Variants in GNPDA1 observed in about 807,000 individuals in gnomAD.
GNPDA1 encodes the protein GNPDA 1.
A neutral mutation model predicts 28.5 loss-of-function variants in GNPDA1; 24 were observed. The ratio of observed to expected loss-of-function variants is 0.84; its 90% confidence interval spans 0.61 to 1.19. The LOEUF (loss-of-function observed/expected upper bound fraction) is 1.19. Ranked by LOEUF, GNPDA1 falls within the 50% of genes most tolerant of loss-of-function variation. GNPDA1 has a pLI of 0.00. For missense variants in GNPDA1, 264 were observed against 367.3 expected (o/e 0.72, Z 2.30); for synonymous variants, 147 against 139.3 (o/e 1.06, Z -0.39).
intron 6 of GNPDA1, 49 bp from the exon 7 acceptor site, chr5:142,002,178 G>T: frequency 1.1e-6 from 1 of 938,712 alleles, no homozygotes; most frequent in Non-Finnish European, 1.7e-6. Flanking sequence ...AGTGGCAAGA[G>T]TTCCTTGATT....
chr5:142,002,684 G>T (rs1320279837), intron 6 of GNPDA1, among the ~76,000 whole-genome samples: 1 of 152,150 alleles, frequency 6.6e-6, no homozygotes, highest in Non-Finnish European at 1.5e-5. Flanking sequence ...AGCCCGGGAG[G>T]TGGAGGTTGC....
rs996871648 is a variant in GNPDA1 at position 142,012,201 on chromosome 5, C to G, written c.-6-160G>C. 9 of 630,614 alleles carry G rather than the reference C, an allele frequency of 1.4e-5. No individual in the cohort carries two copies. The African/African-American group carries it at 1.6e-4, about 12-fold the overall frequency. 39.1% of individuals were successfully genotyped at this position (630,614 alleles called of 1,614,324 possible). On this transcript the variant is annotated intron_variant, in intron 1 of 6. Coordinates refer to ENST00000311337, the MANE Select transcript of GNPDA1 (RefSeq NM_005471.5). ...TTCTATTCACAGAGGAGCTAAGAGG[C>G]TAGGCCAGTCGTCTCCACCACCCAC... is the stretch of plus-strand genomic sequence containing the variant.
chr5:142,002,092 C>T lies in GNPDA1; in HGVS notation c.807G>A (p.Leu269=). The T allele has an allele frequency of 6.2e-7, 1 of 1,603,124 alleles. No homozygotes were observed. Among genetic ancestry groups the T allele is most frequent in the East Asian group, 2.2e-5 (1 of 44,804 alleles). The change falls in exon 7 of 7, where the codon TTG becomes TTA. Residue 269 remains leucine (L), a synonymous_variant. Transcript: ENST00000311337. ...CAGTTTCTTTCTCTTTGATACTGTA[C>T]AAGGGGTCCACCAACTTGTTATGAA... ...MLVHNKLVDP[L]YSIKEKETEK...
chr5:142,002,209 G>A (rs373258583), intron 6 of GNPDA1, 80 bp from the exon 7 acceptor site: 2 of 732,170 alleles, frequency 2.7e-6, no homozygotes, highest in South Asian at 1.7e-5. Context: ...ACATCCAGGA[G>A]CTCTCAAATT....
At chr5:142,010,589 C>T (rs1207891154) in intron 2 of GNPDA1, among the ~76,000 whole-genome samples, 1 of 151,070 alleles carries the variant, frequency 6.6e-6, no homozygotes, top group Admixed American at 6.6e-5. Flanking sequence ...TGGTTCACTG[C>T]CTCGACCTCC....
intron 5 of GNPDA1, among the ~76,000 whole-genome samples, chr5:142,004,336 CAT>C (rs1755748160): frequency 6.6e-6 from 1 of 152,176 alleles, no homozygotes; most frequent in Non-Finnish European, 1.5e-5. Context: ...GTAAATCTAA[CAT>C]GTCTATACAC....
Position 142,000,943 on chromosome 5 carries a change from A to T in GNPDA1, c.*1086T>A, listed in dbSNP as rs1401893761. 6.6e-6 allele frequency: 1 copy of T among 152,560 alleles called. No homozygotes were observed. Among genetic ancestry groups the T allele is most frequent in the Non-Finnish European group, 1.5e-5 (1 of 68,122 alleles). 9.5% of individuals were successfully genotyped at this position (152,560 alleles called of 1,614,324 possible). ...CAATGAAAGGAAGCCAGAGCAACAG[A>T]CCACCTTGGGATCCGGGGAGAAGGG... On this transcript the variant is annotated 3_prime_UTR_variant, in exon 7 of 7. Transcript: ENST00000311337.
chr5:142,007,779 C>T lies in GNPDA1; in HGVS notation c.226+20G>A, dbSNP rs1239606122. 2 of 1,427,644 alleles carry T rather than the reference C, an allele frequency of 1.4e-6. No homozygotes were observed. The highest frequency in any genetic ancestry group is 2.3e-5 in the East Asian group (1 of 43,952). The allele number at this position is 1,427,644 out of a possible 1,614,324, so 88.4% of individuals were successfully genotyped here. On this transcript the variant is annotated intron_variant, in intron 3 of 6. Transcript: ENST00000311337. ...CACTCTCCTAGAATCAGGAAAGAAC[C>T]TTGAAAGAGAAAGACTCACCCACGT... is the stretch of plus-strand genomic sequence containing the variant.
At chr5:142,009,576 A>G (rs1040627964) in intron 2 of GNPDA1, among the ~76,000 whole-genome samples, 4 of 152,154 alleles carry the variant, frequency 2.6e-5, no homozygotes, top group Non-Finnish European at 4.4e-5. Flanking sequence ...AGGGTACTCA[A>G]TAAATACCTG....
chr5:142,007,935 C>T (rs759979076), intron 2 of GNPDA1, 35 bp from the exon 3 acceptor site: 5 of 1,217,562 alleles, frequency 4.1e-6, no homozygotes, highest in Admixed American at 3.4e-5. Context: ...ACACCCCTTG[C>T]ACCCCAAGTC....
rs1237365849 is a variant in GNPDA1, at chr5:142,001,153, A to G, written c.*876T>C. On this transcript the variant is annotated 3_prime_UTR_variant, in exon 7 of 7. Transcript: ENST00000311337. ...AGGAGTTGTGACTAAACTCACACTT[A>G]AGCTGCCTGCCCAGACCGTCCCCTT... 6.6e-6 allele frequency: 1 copy of G among 152,306 alleles called. No homozygotes were observed. Among genetic ancestry groups the G allele is most frequent in the African/African-American group, 2.4e-5 (1 of 41,428 alleles). The allele number at this position is 152,306 out of a possible 1,614,324, so 9.4% of individuals were successfully genotyped here. A position where few individuals can be genotyped will look rare whatever the true frequency, so the allele number is the denominator to read the frequency against.
At chr5:142,002,348 G>T (rs1238598409) in intron 6 of GNPDA1, among the ~76,000 whole-genome samples, 2 of 152,172 alleles carry the variant, frequency 1.3e-5, no homozygotes, top group South Asian at 2.1e-4. Context: ...ATCACTATGG[G>T]AGTTGGCTAT....
At position 142,001,968 on chromosome 5, in the gene GNPDA1, G is replaced by C. The variant is rs1026743538; in HGVS notation, c.*61C>G. ...AAGAAATACAATTCTTTCTTCTAAA[G>C]ACAATTTCCAGAAAGACCTGCCTTT... On this transcript the variant is annotated 3_prime_UTR_variant, in exon 7 of 7. Transcript: ENST00000311337. 7.1e-6 allele frequency: 6 copies of C among 847,570 alleles called. No individual in the cohort carries two copies. The highest frequency in any genetic ancestry group is 6.3e-5 in the Admixed American group (3 of 47,450). 52.5% of individuals were successfully genotyped at this position (847,570 alleles called of 1,614,324 possible). A position where few individuals can be genotyped will look rare whatever the true frequency, so the allele number is the denominator to read the frequency against.
chr5:142,002,727 C>T (rs560862920), intron 6 of GNPDA1, among the ~76,000 whole-genome samples: 2 of 152,150 alleles, frequency 1.3e-5, no homozygotes, highest in African/African-American at 2.4e-5. Flanking sequence ...GCACTCCAGC[C>T]TGAGCGACAG....
chr5:142,006,515 C>A (rs1755809124), intron 3 of GNPDA1, among the ~76,000 whole-genome samples, 189 bp from the exon 4 acceptor site: 1 of 152,176 alleles, frequency 6.6e-6, no homozygotes, highest in South Asian at 2.1e-4. Flanking sequence ...AAGTGTCCAC[C>A]CACCCAGTAC....
intron 2 of GNPDA1, among the ~76,000 whole-genome samples, chr5:142,008,364 C>T (rs1472171928): frequency 6.6e-6 from 1 of 152,232 alleles, no homozygotes; most frequent in Non-Finnish European, 1.5e-5. Context: ...CACAGGCTCA[C>T]CCAGTGCTTC....
Position 142,007,788 on chromosome 5 carries a change from GA to G in GNPDA1, c.226+10del. On this transcript the variant is annotated intron_variant, in intron 3 of 6. Transcript: ENST00000311337. ...AGAATCAGGAAAGAACCTTGAAAGA[GA>G]AAGACTCACCCACGTACTCATCCAT... 2 of 1,496,180 alleles carry G rather than the reference GA, an allele frequency of 1.3e-6. No individual in the cohort carries two copies. Among genetic ancestry groups the G allele is most frequent in the Non-Finnish European group, 1.9e-6 (2 of 1,072,864 alleles). 92.7% of individuals were successfully genotyped at this position (1,496,180 alleles called of 1,614,324 possible). A position where few individuals can be genotyped will look rare whatever the true frequency, so the allele number is the denominator to read the frequency against.
At chr5:142,005,670 G>T (rs1405554140) in intron 4 of GNPDA1, among the ~76,000 whole-genome samples, 4 of 152,126 alleles carry the variant, frequency 2.6e-5, no homozygotes, top group Non-Finnish European at 5.9e-5. Context: ...AACTCCAGAG[G>T]TGGCGATAGA....
Position 142,002,086 on chromosome 5 carries a change from A to G in GNPDA1, c.813T>C (p.Ser271=). ...TTTTCTCAGTTTCTTTCTCTTTGAT[A>G]CTGTACAAGGGGTCCACCAACTTGT... is the stretch of plus-strand genomic sequence containing the variant. ...VHNKLVDPLY[S]IKEKETEKSQ... Residue 271 remains serine (S), a synonymous_variant, in exon 7 of 7, where the codon AGT becomes AGC. Transcript: ENST00000311337. 2 of 1,605,798 alleles carry G rather than the reference A, an allele frequency of 1.2e-6. No homozygotes were observed. Among genetic ancestry groups the G allele is most frequent in the South Asian group, 2.2e-5 (2 of 90,824 alleles).
Sources: gnomAD v4.1 joint callset for allele counts (sites outside exome capture counted in the v4.1 genomes callset) on GRCh38, gnomAD v4.1.1 for gene constraint, MANE v1.5 for transcripts, NCBI Gene and HGNC (gene_info 2026-07-23, HGNC 2026-07-21) for gene names.